SLC16A2: variants seen among roughly 807,000 people sequenced by gnomAD.
SLC16A2 encodes monocarboxylate transporter 8.
A neutral mutation model predicts 27.2 loss-of-function variants in SLC16A2; 3 were observed. The ratio of observed to expected loss-of-function variants is 0.11; its 90% confidence interval spans 0.05 to 0.28. SLC16A2 has a LOEUF of 0.28. SLC16A2 is among the 10% of genes least tolerant of loss of function. The pLI is 1.00. For missense variants in SLC16A2, 295 were observed against 458.5 expected, an observed-to-expected ratio of 0.64 and a Z score of 3.26; for synonymous variants, 202 against 187.8, an observed-to-expected ratio of 1.08 and a Z score of -0.62.
At chrX:74,467,832 G>T (rs1929280770) in intron 1 of SLC16A2, among the ~76,000 whole-genome samples, 1 of 111,227 alleles carries the variant, frequency 9.0e-6, no homozygotes, top group Non-Finnish European at 1.9e-5. Context: ...GTCCTGGTGA[G>T]ATTAGATCCA....
chrX:74,421,631 C>G lies in SLC16A2; in HGVS notation c.-7C>G, dbSNP rs1446232761. ...CTGGCCCAAGCAGCCACAGTCCCCC[C>G]GCCGCGATGGCGCTGCAAAGCCAGG... On this transcript the variant is annotated 5_prime_UTR_variant, in exon 1 of 6. Transcript: ENST00000587091. 1 of 1,204,386 alleles carries G rather than the reference C, an allele frequency of 8.3e-7. No individual in the cohort carries two copies.
chrX:74,479,147 A>G (rs1250057299), intron 1 of SLC16A2, among the ~76,000 whole-genome samples: 3 of 111,420 alleles, frequency 2.7e-5, no homozygotes, highest in African/African-American at 9.8e-5. Context: ...TGGTCTTTTC[A>G]CATAGTCCCA....
chrX:74,468,104 G>C (rs992350195), intron 1 of SLC16A2, among the ~76,000 whole-genome samples: 4 of 111,604 alleles, frequency 3.6e-5, no homozygotes, highest in Non-Finnish European at 5.6e-5. Context: ...GCTTTATTGA[G>C]ACAAAATTTA....
At chrX:74,466,284 C>G (rs1929248712) in intron 1 of SLC16A2, among the ~76,000 whole-genome samples, 1 of 111,354 alleles carries the variant, frequency 9.0e-6, no homozygotes, top group South Asian at 3.8e-4. Flanking sequence ...TTCTCCACCC[C>G]CTTTCCTGAC....
At chrX:74,476,777 C>T (rs747456759) in intron 1 of SLC16A2, among the ~76,000 whole-genome samples, 10 of 111,662 alleles carry the variant, frequency 9.0e-5, no homozygotes, top group East Asian at 2.8e-4. Flanking sequence ...TGCTGGATTA[C>T]GTTTATTGAT....
chrX:74,475,307 G>A lies in SLC16A2; in HGVS notation c.431-45683G>A, dbSNP rs751545124. On this transcript the variant is annotated intron_variant, in intron 1 of 5. Transcript: ENST00000587091. ...TGAGAAGTGTCTGTTCATATCCTTC[G>A]CCCGCTTGTTGATGGAGTTGTTTGT... Among the ~76,000 whole-genome samples the A allele has an allele frequency of 4.8e-3, 485 of 100,448 alleles. 2 individuals are homozygous for A. Among genetic ancestry groups the A allele is most frequent in the African/African-American group, 0.017 (431 of 25,543 alleles). 87.2% of individuals were successfully genotyped at this position (100,448 alleles called of 115,157 possible). A position where few individuals can be genotyped will look rare whatever the true frequency, so the allele number is the denominator to read the frequency against.
chrX:74,473,884 C>A, intron 1 of SLC16A2: 1 of 474,384 alleles, frequency 2.1e-6, no homozygotes, highest in South Asian at 3.1e-5. Context: ...CAGGTTGTTT[C>A]AAAGCTCAAC....
intron 1 of SLC16A2, among the ~76,000 whole-genome samples, chrX:74,455,094 A>C (rs1261310138): frequency 8.9e-6 from 1 of 112,111 alleles, no homozygotes; most frequent in Non-Finnish European, 1.9e-5. Flanking sequence ...TGTGCAAATT[A>C]CTTAATCTCT....
At chrX:74,479,697 CT>C (rs1454255249) in intron 1 of SLC16A2, among the ~76,000 whole-genome samples, 5 of 112,478 alleles carry the variant, frequency 4.4e-5, no homozygotes, top group Non-Finnish European at 7.5e-5. Flanking sequence ...AGTTTTCCTT[CT>C]AACAGTCAGG....
intron 1 of SLC16A2, chrX:74,473,615 C>T: frequency 3.1e-6 from 3 of 970,271 alleles, no homozygotes; most frequent in African/African-American, 1.9e-5. Flanking sequence ...TTCTTTAATG[C>T]CACCAACAAA....
intron 3 of SLC16A2, 58 bp from the exon 4 acceptor site, chrX:74,525,692 A>G: frequency 2.5e-6 from 3 of 1,188,796 alleles, no homozygotes; most frequent in Admixed American, 4.3e-5. Flanking sequence ...CCTACAGTTA[A>G]CCAGTCAGCT....
intron 1 of SLC16A2, among the ~76,000 whole-genome samples, chrX:74,428,200 C>G (rs1218851398): frequency 9.0e-6 from 1 of 111,145 alleles, no homozygotes; most frequent in Non-Finnish European, 1.9e-5. Flanking sequence ...GAAGACTAAA[C>G]CTAGAGAGAT....
chrX:74,490,854 C>T (rs913078243), intron 1 of SLC16A2, among the ~76,000 whole-genome samples: 1 of 111,975 alleles, frequency 8.9e-6, no homozygotes, highest in Non-Finnish European at 1.9e-5. Context: ...TTAAAATGCA[C>T]GTCTGAACTA....
intron 1 of SLC16A2, among the ~76,000 whole-genome samples, chrX:74,485,120 G>A (rs2147857458): frequency 9.2e-6 from 1 of 108,457 alleles, no homozygotes; most frequent in South Asian, 4.1e-4. Flanking sequence ...GGGGGCTTAG[G>A]CAGGAGAATC....
intron 1 of SLC16A2, among the ~76,000 whole-genome samples, chrX:74,463,629 C>T (rs910550120): frequency 9.0e-6 from 1 of 110,808 alleles, no homozygotes; most frequent in Non-Finnish European, 1.9e-5. Flanking sequence ...CGGGTTCATG[C>T]CATTCTCCTG....
intron 1 of SLC16A2, among the ~76,000 whole-genome samples, chrX:74,442,263 G>T (rs974935943): frequency 7.6e-5 from 8 of 105,426 alleles, no homozygotes; most frequent in Non-Finnish European, 1.4e-4. Context: ...ATGGGAATTT[G>T]TGCCCCCAGG....
chrX:74,431,885 A>G lies in SLC16A2; in HGVS notation c.430+9818A>G, dbSNP rs6647052. Among the ~76,000 whole-genome samples, 8,668 of 110,301 alleles carry G rather than the reference A, an allele frequency of 0.079. 1,138 individuals are homozygous for G. In the East Asian group the frequency reaches 0.86, roughly 11 times the overall value. The stretch of plus-strand genomic sequence containing the variant: ...ATGTTGCTCTAAGTATTTCCTCCCC[A>G]TCTCCCACCTTCCCACTCCATCTTT... On this transcript the variant is annotated intron_variant, in intron 1 of 5. Transcript: ENST00000587091.
Position 74,529,343 on chromosome X carries a change from T to C in SLC16A2, c.1301T>C (p.Ile434Thr), listed in dbSNP as rs755797934. ...DGFFITIMAP[I>T]AFELVGPMQA... ...TTCTTCATCACCATCATGGCCCCCA[T>C]TGCATTTGAGCTGGTGGGCCCAATG... Residue 434 changes from isoleucine (I) to threonine (T), a missense_variant, in exon 5 of 6, where the codon ATT (isoleucine) becomes ACT (threonine). Ile to Thr is a moderately conservative substitution (Grantham distance 89). This residue lies in a region of SLC16A2 where 144 missense variants were observed against 219.8 expected (regional missense o/e 0.66). Coordinates refer to ENST00000587091, the MANE Select transcript of SLC16A2 (RefSeq NM_006517.5). 12 of 1,206,939 alleles carry C rather than the reference T, an allele frequency of 9.9e-6. No homozygotes were observed. Among genetic ancestry groups the C allele is most frequent in the Non-Finnish European group, 1.3e-5 (12 of 893,239 alleles).
chrX:74,490,219 C>T (rs1476124987), intron 1 of SLC16A2, among the ~76,000 whole-genome samples: 1 of 110,999 alleles, frequency 9.0e-6, no homozygotes, highest in Admixed American at 9.6e-5. Flanking sequence ...GTTCTTTTTC[C>T]TTAACGTAAA....
Sources: gnomAD v4.1 joint callset for allele counts (sites outside exome capture counted in the v4.1 genomes callset) on GRCh38, gnomAD v4.1.1 for gene constraint, gnomAD v4.1.1 regional missense constraint, MANE v1.5 for transcripts, NCBI Gene and HGNC (gene_info 2026-07-23, HGNC 2026-07-21) for gene names.